Variants in MAP2K1 observed in about 807,000 individuals in gnomAD.
The protein encoded by MAP2K1 is dual specificity mitogen-activated protein kinase kinase 1.
Under a neutral mutation model 46.3 loss-of-function variants are expected in MAP2K1, and 16 were observed. That is an observed-to-expected ratio of 0.35 (90% CI 0.23 to 0.52). The LOEUF (loss-of-function observed/expected upper bound fraction) is 0.52. MAP2K1 is among the 20% of genes least tolerant of loss of function. The probability of loss-of-function intolerance (pLI) is 0.94; values close to 1 mark genes in which losing one functional copy is unlikely to be tolerated. For synonymous variants in MAP2K1, 183 were observed against 185.6 expected, an observed-to-expected ratio of 0.99 and a Z score of 0.11; for missense variants, 263 against 497.1, an observed-to-expected ratio of 0.53 and a Z score of 4.48.
At chr15:66,419,620 C>T (rs2093432758) in intron 1 of MAP2K1, among the ~76,000 whole-genome samples, 1 of 152,112 alleles carries the variant, frequency 6.6e-6, no homozygotes, top group South Asian at 2.1e-4. Flanking sequence ...AACAATATGA[C>T]ACCCCCTGTC....
At chr15:66,485,622 A>G (rs112642531) in intron 7 of MAP2K1, among the ~76,000 whole-genome samples, 10,098 of 151,948 alleles carry the variant, frequency 0.066, 1,127 homozygotes, top group African/African-American at 0.23. Flanking sequence ...TCTGTCACCC[A>G]GGCTGGAGTG....
intron 1 of MAP2K1, among the ~76,000 whole-genome samples, chr15:66,415,956 T>C (rs1160632567): frequency 6.6e-6 from 1 of 152,176 alleles, no homozygotes; most frequent in Non-Finnish European, 1.5e-5. Context: ...TTAGGCCTGG[T>C]AATATTACAG....
intron 7 of MAP2K1, among the ~76,000 whole-genome samples, chr15:66,486,464 A>G (rs983592206): frequency 1.3e-5 from 2 of 152,178 alleles, no homozygotes; most frequent in African/African-American, 4.8e-5. Context: ...TAATTTTAAT[A>G]GCATTTCATT....
chr15:66,471,337 T>C (rs1169325302), intron 5 of MAP2K1, among the ~76,000 whole-genome samples: 2 of 152,212 alleles, frequency 1.3e-5, no homozygotes, highest in African/African-American at 4.8e-5. Context: ...TCTGTGCTTC[T>C]CACATTTAAA....
chr15:66,483,748 C>CTTT (rs750947705), intron 6 of MAP2K1, among the ~76,000 whole-genome samples: 24,580 of 130,864 alleles, frequency 0.19, 3,109 homozygotes, highest in Non-Finnish European at 0.25. Flanking sequence ...CATACATTTT[C>CTTT]TTTTTTTTTT....
chr15:66,394,410 T>G (rs1449712778), intron 1 of MAP2K1, among the ~76,000 whole-genome samples: 1 of 152,060 alleles, frequency 6.6e-6, no homozygotes, highest in African/African-American at 2.4e-5. Context: ...TGCTTTTTTT[T>G]GTCTCTTATG....
intron 1 of MAP2K1, among the ~76,000 whole-genome samples, chr15:66,397,256 G>T (rs562182232): frequency 6.6e-6 from 1 of 152,154 alleles, no homozygotes; most frequent in South Asian, 2.1e-4. Context: ...GCCTGCCTCG[G>T]CCTCCCAAAG....
chr15:66,403,505 C>G (rs902916957), intron 1 of MAP2K1, among the ~76,000 whole-genome samples: 3 of 151,726 alleles, frequency 2.0e-5, no homozygotes, highest in Admixed American at 1.3e-4. Flanking sequence ...GACGAAAGTC[C>G]CCTTGAAATG....
chr15:66,490,101 T>A (rs1342863236), intron 10 of MAP2K1: 1 of 529,896 alleles, frequency 1.9e-6, no homozygotes, highest in Non-Finnish European at 3.4e-6. Context: ...AGAGTCACTC[T>A]CCGCCTGCTG....
chr15:66,387,525 A>T (rs2093344823), intron 1 of MAP2K1, 98 bp downstream of exon 1: 1 of 1,238,042 alleles, frequency 8.1e-7, no homozygotes, highest in Non-Finnish European at 1.2e-6. Context: ...TTTGTCACGT[A>T]CGTCTGGGGC....
intron 1 of MAP2K1, among the ~76,000 whole-genome samples, chr15:66,431,385 G>A (rs1567007820): frequency 1.3e-5 from 2 of 152,038 alleles, no homozygotes; most frequent in African/African-American, 4.8e-5. Flanking sequence ...TTTTTAATGA[G>A]TACTGAAAGC....
At chr15:66,476,731 TC>T (rs1220081094) in intron 5 of MAP2K1, among the ~76,000 whole-genome samples, 1 of 152,066 alleles carries the variant, frequency 6.6e-6, no homozygotes, top group Non-Finnish European at 1.5e-5. Context: ...GCAGGGGCTG[TC>T]CCGCTGGAGG....
chr15:66,483,038 T>C (rs1419792212), intron 6 of MAP2K1, among the ~76,000 whole-genome samples: 2 of 152,178 alleles, frequency 1.3e-5, no homozygotes, highest in Non-Finnish European at 2.9e-5. Context: ...TTGTTCCCAT[T>C]TTAGAGGTGA....
Position 66,459,939 on chromosome 15 carries a change from C to T in MAP2K1, c.568+15232C>T, listed in dbSNP as rs189813524. ...CATCGCTGAGCAGAAGTCAGAGTGG[C>T]CCCTGCCTCCACCAGCCTGAGGCTA... On this transcript the variant is annotated intron_variant, in intron 5 of 10. Transcript: ENST00000307102. Among the ~76,000 whole-genome samples the T allele has an allele frequency of 1.8e-4, 28 of 152,340 alleles. No homozygotes were observed. The East Asian group carries it at 4.2e-3, about 23-fold the overall frequency.
intron 5 of MAP2K1, among the ~76,000 whole-genome samples, chr15:66,466,375 G>A (rs985401775): frequency 1.3e-5 from 2 of 152,200 alleles, no homozygotes; most frequent in Non-Finnish European, 2.9e-5. Context: ...ATAGGCGTAT[G>A]TATACTTTAT....
intron 1 of MAP2K1, among the ~76,000 whole-genome samples, chr15:66,434,335 C>T (rs372065337): frequency 3.3e-5 from 5 of 152,068 alleles, no homozygotes; most frequent in East Asian, 1.9e-4. Context: ...AGGAAATTGT[C>T]GACAATGTAT....
In MAP2K1 at chr15:66,443,640, G is replaced by A. The variant is rs192620467; in HGVS notation, c.516+283G>A. ...AATCCCAGCACTTTGCGAGGCCAAG[G>A]CAGGAGGACTGCTTGAGCCCAGGAG... is the stretch of plus-strand genomic sequence containing the variant. On this transcript the variant is annotated intron_variant, in intron 4 of 10. Transcript: ENST00000307102. 8.5e-3 allele frequency among the ~76,000 whole-genome samples: 1,290 copies of A among 152,274 alleles called. 11 individuals are homozygous for A. The highest frequency in any genetic ancestry group is 0.014 in the Non-Finnish European group (934 of 68,016).
At chr15:66,477,292 C>T (rs1892775610) in intron 5 of MAP2K1, among the ~76,000 whole-genome samples, 1 of 152,146 alleles carries the variant, frequency 6.6e-6, no homozygotes, top group Non-Finnish European at 1.5e-5. Flanking sequence ...CACAGCCATG[C>T]CTGAGCAGCA....
intron 1 of MAP2K1, among the ~76,000 whole-genome samples, chr15:66,430,146 C>G (rs1341015069): frequency 1.3e-5 from 2 of 151,954 alleles, no homozygotes; most frequent in South Asian, 4.2e-4. Flanking sequence ...GCCTTTATCT[C>G]TAGGTGCTGG....
Sources: allele counts gnomAD v4.1 joint callset (sites outside exome capture counted in the v4.1 genomes callset), GRCh38; gene constraint gnomAD v4.1.1; transcripts MANE v1.5; gene names NCBI Gene and HGNC (gene_info 2026-07-23, HGNC 2026-07-21).